The following CNTN4 variants were observed in gnomAD, a reference collection of about 807,000 sequenced individuals.
CNTN4 encodes contactin-4.
CNTN4 carries 77 observed loss-of-function variants against 122.5 expected under a neutral mutation model. The observed-to-expected ratio is 0.63, with a 90% CI of 0.52 to 0.76. The LOEUF is 0.76. Ranked by LOEUF, CNTN4 falls within the 30% of genes least tolerant of loss-of-function variation. The pLI, the probability that CNTN4 is intolerant of heterozygous loss-of-function variation, is 0.00. For synonymous variants in CNTN4, 512 were observed against 447.0 expected, an observed-to-expected ratio of 1.15 and a Z score of -1.83; for missense variants, 1,256 against 1,259.1, an observed-to-expected ratio of 1.00 and a Z score of 0.04.
chr3:2,361,714 G>C (rs973409993), intron 3 of CNTN4, among the ~76,000 whole-genome samples: 7 of 152,108 alleles, frequency 4.6e-5, no homozygotes. Flanking sequence ...ACCTAAAAAA[G>C]CTGAAGAAAT....
At chr3:2,148,258 G>A (rs1399788542) in intron 2 of CNTN4, among the ~76,000 whole-genome samples, 2 of 152,158 alleles carry the variant, frequency 1.3e-5, no homozygotes, top group African/African-American at 2.4e-5. Flanking sequence ...GCAAGGCCGG[G>A]CGCAGTGGCT....
intron 6 of CNTN4, among the ~76,000 whole-genome samples, chr3:2,768,343 C>A (rs897894954): frequency 6.6e-6 from 1 of 152,098 alleles, no homozygotes; most frequent in Non-Finnish European, 1.5e-5. Flanking sequence ...AATATTTCAA[C>A]AAAAATCAAT....
At chr3:2,133,905 A>G (rs1055121748) in intron 2 of CNTN4, among the ~76,000 whole-genome samples, 1 of 152,152 alleles carries the variant, frequency 6.6e-6, no homozygotes, top group Non-Finnish European at 1.5e-5. Flanking sequence ...TTGTTTTCTT[A>G]TGATTTTCCT....
At chr3:2,997,293 CAGA>C (rs1310584472) in intron 14 of CNTN4, among the ~76,000 whole-genome samples, 8 of 152,220 alleles carry the variant, frequency 5.3e-5, no homozygotes, top group African/African-American at 1.9e-4. Flanking sequence ...CATGATCTCT[CAGA>C]AGAAGACGAG....
At chr3:2,261,895 C>T (rs2040847380) in intron 2 of CNTN4, among the ~76,000 whole-genome samples, 1 of 152,056 alleles carries the variant, frequency 6.6e-6, no homozygotes, top group South Asian at 2.1e-4. Context: ...TTATTGTTGC[C>T]CAATAAGTCC....
At chr3:2,189,485 G>C (rs866777822) in intron 2 of CNTN4, among the ~76,000 whole-genome samples, 24 of 152,282 alleles carry the variant, frequency 1.6e-4, no homozygotes, top group Middle Eastern at 6.8e-3. Flanking sequence ...GGAATAGAGA[G>C]GGTCAGTGTT....
At position 2,745,654 on chromosome 3, in the gene CNTN4, G is replaced by A. The variant is rs116041691; in HGVS notation, c.315G>A (p.Ser105=). 1,824 of 1,614,042 alleles carry A rather than the reference G, an allele frequency of 1.1e-3. 22 individuals carry two copies. The African/African-American group carries it at 0.02, about 18-fold the overall frequency. The change falls in exon 6 of 25, where the codon TCG becomes TCA. Residue 105 remains serine (S), a synonymous_variant. Transcript: ENST00000418658. Reference sequence around the variant, plus strand: ...CGTACCAGTGCACAGCGACAAACTCGTTTGGAACAATTGTTAGCAGAGAAG... The same window carrying A: ...CGTACCAGTGCACAGCGACAAACTCATTTGGAACAATTGTTAGCAGAGAAG... ...AGTYQCTATN[S]FGTIVSREAK...
At chr3:2,969,516 G>GATTATGATTATT (rs569083953) in intron 13 of CNTN4, among the ~76,000 whole-genome samples, 5 of 121,462 alleles carry the variant, frequency 4.1e-5, no homozygotes, top group African/African-American at 2.8e-4. Context: ...GGAAAATTGG[G>GATTATGATTATT]ATTATTATTA....
chr3:2,585,474 C>T (rs937291179), intron 4 of CNTN4, among the ~76,000 whole-genome samples: 14 of 152,002 alleles, frequency 9.2e-5, no homozygotes, highest in Non-Finnish European at 1.6e-4. Flanking sequence ...ATTAAGAAAA[C>T]GTGGCACATG....
At chr3:2,834,660 A>G (rs1006121799) in intron 7 of CNTN4, among the ~76,000 whole-genome samples, 1 of 152,152 alleles carries the variant, frequency 6.6e-6, no homozygotes, top group African/African-American at 2.4e-5. Flanking sequence ...TACATGAAGT[A>G]TAGAAATATG....
At chr3:2,538,532 C>T (rs912573473) in intron 3 of CNTN4, among the ~76,000 whole-genome samples, 9 of 151,930 alleles carry the variant, frequency 5.9e-5, no homozygotes, top group African/African-American at 1.9e-4. Context: ...TTAATCCGTT[C>T]ACTTTGATAT....
At chr3:2,409,127 C>T (rs888001616) in intron 3 of CNTN4, among the ~76,000 whole-genome samples, 15 of 151,784 alleles carry the variant, frequency 9.9e-5, no homozygotes, top group Non-Finnish European at 1.8e-4. Context: ...GCTTTGGAAT[C>T]ATCTTCTAAA....
intron 4 of CNTN4, among the ~76,000 whole-genome samples, chr3:2,705,594 TTA>T (rs1467921420): frequency 8.7e-5 from 1 of 11,526 alleles, no homozygotes; most frequent in Admixed American, 1.6e-3. Flanking sequence ...TATATAAAAT[TTA>T]TATAAATTTT....
chr3:2,239,750 T>G (rs1054608277), intron 2 of CNTN4, among the ~76,000 whole-genome samples: 11 of 152,218 alleles, frequency 7.2e-5, no homozygotes, highest in African/African-American at 2.7e-4. Context: ...GGTAAATTCA[T>G]TTATAGGGAT....
At chr3:2,116,218 C>T (rs1358111588) in intron 2 of CNTN4, among the ~76,000 whole-genome samples, 1 of 152,092 alleles carries the variant, frequency 6.6e-6, no homozygotes, top group Non-Finnish European at 1.5e-5. Flanking sequence ...TACTGTTATC[C>T]TCCATAATTA....
chr3:2,518,579 C>T (rs1418602638), intron 3 of CNTN4, among the ~76,000 whole-genome samples: 1 of 152,022 alleles, frequency 6.6e-6, no homozygotes, highest in Non-Finnish European at 1.5e-5. Context: ...ATAAATACCT[C>T]TGGTAGAATG....
chr3:2,666,814 C>G (rs961860636), intron 4 of CNTN4, among the ~76,000 whole-genome samples: 2 of 142,524 alleles, frequency 1.4e-5, no homozygotes, highest in Non-Finnish European at 3.0e-5. Flanking sequence ...TTGTTCAATT[C>G]CCACCTATGA....
At chr3:2,158,495 C>T (rs2035820393) in intron 2 of CNTN4, among the ~76,000 whole-genome samples, 1 of 152,140 alleles carries the variant, frequency 6.6e-6, no homozygotes, top group East Asian at 1.9e-4. Flanking sequence ...AAATGCTTAC[C>T]TCTTAGATGA....
intron 4 of CNTN4, among the ~76,000 whole-genome samples, chr3:2,686,505 C>T (rs1452274693): frequency 6.6e-6 from 1 of 152,022 alleles, no homozygotes; most frequent in Non-Finnish European, 1.5e-5. Flanking sequence ...TTTCTCTTTT[C>T]CTTCTTCTCA....
Sources: gnomAD v4.1 joint callset for allele counts (sites outside exome capture counted in the v4.1 genomes callset) on GRCh38, gnomAD v4.1.1 for gene constraint, MANE v1.5 for transcripts, NCBI Gene and HGNC (gene_info 2026-07-23, HGNC 2026-07-21) for gene names.